Variants in ARHGEF28 observed in about 807,000 individuals in gnomAD.
The protein encoded by ARHGEF28 is 190 kDa guanine nucleotide exchange factor.
Under a neutral mutation model 206.6 loss-of-function variants are expected in ARHGEF28, and 152 were observed. That is an observed-to-expected ratio of 0.74 (90% CI 0.64 to 0.84). The LOEUF is 0.84. ARHGEF28 is among the 40% of genes least tolerant of loss of function. ARHGEF28 has a pLI of 0.00. For missense variants in ARHGEF28, 2,028 were observed against 2,073.2 expected (o/e 0.98, Z 0.42); for synonymous variants, 763 against 776.4 (o/e 0.98, Z 0.29).
At chr5:73,688,910 TCC>T (rs1747639964) in intron 2 of ARHGEF28, among the ~76,000 whole-genome samples, 1 of 152,242 alleles carries the variant, frequency 6.6e-6, no homozygotes, top group South Asian at 2.1e-4. Flanking sequence ...CACCTCGGCC[TCC>T]CAAAGTGCTG....
intron 35 of ARHGEF28, among the ~76,000 whole-genome samples, chr5:73,916,710 G>C (rs1374673400): frequency 6.6e-6 from 1 of 152,016 alleles, no homozygotes; most frequent in African/African-American, 2.4e-5. Flanking sequence ...TGTGAATTTT[G>C]GGGGGACACA....
chr5:73,794,708 A>G lies in ARHGEF28; in HGVS notation c.963+254A>G, dbSNP rs7712814. 0.6 allele frequency among the ~76,000 whole-genome samples: 90,001 copies of G among 150,642 alleles called. 28,007 individuals carry two copies. Among genetic ancestry groups the G allele is most frequent in the African/African-American group, 0.79 (32,431 of 41,010 alleles). On this transcript the variant is annotated intron_variant, in intron 8 of 35. Coordinates refer to ENST00000513042, the MANE Select transcript of ARHGEF28 (RefSeq NM_001177693.2). ...TGCAACTTCTGCCTCCTGGGTTCAA[A>G]TGATTCTCCTGCCTCACCCTCCTGA...
rs573055735 is a variant in ARHGEF28, at chr5:73,845,249, C to T, written c.1428-1019C>T. ...AGCCAGGATGGTCTCGATCTCTGAC[C>T]TCATGATCCGCCCACCTTGGCCTCC... is the stretch of plus-strand genomic sequence containing the variant. On this transcript the variant is annotated intron_variant, in intron 11 of 35. Coordinates refer to ENST00000513042, the MANE Select transcript of ARHGEF28 (RefSeq NM_001177693.2). Among the ~76,000 whole-genome samples the T allele has an allele frequency of 4.3e-3, 652 of 152,216 alleles. 4 individuals carry two copies. The highest frequency in any genetic ancestry group is 0.015 in the African/African-American group (639 of 41,508).
chr5:73,626,942 G>C (rs140336527), intron 1 of ARHGEF28, among the ~76,000 whole-genome samples: 1 of 152,208 alleles, frequency 6.6e-6, no homozygotes, highest in African/African-American at 2.4e-5. Flanking sequence ...GGTGTATGTG[G>C]TGGTGCCCCA....
intron 24 of ARHGEF28, among the ~76,000 whole-genome samples, chr5:73,885,400 G>A (rs1460987992): frequency 1.3e-5 from 2 of 152,004 alleles, no homozygotes; most frequent in Non-Finnish European, 2.9e-5. Context: ...ATTTAATCAT[G>A]CAAACCTTTC....
At chr5:73,927,919 C>T (rs998479965) in intron 35 of ARHGEF28, among the ~76,000 whole-genome samples, 11 of 152,096 alleles carry the variant, frequency 7.2e-5, no homozygotes, top group Non-Finnish European at 1.2e-4. Context: ...GAGTGACAAA[C>T]GCAAGGCTGT....
chr5:73,813,122 C>G (rs1025918331), intron 9 of ARHGEF28, among the ~76,000 whole-genome samples: 1 of 152,112 alleles, frequency 6.6e-6, no homozygotes, highest in Admixed American at 6.5e-5. Flanking sequence ...AACACGGCAC[C>G]GGGTAGCTCT....
chr5:73,784,731 GT>G (rs1282984603), intron 7 of ARHGEF28, among the ~76,000 whole-genome samples: 1 of 152,066 alleles, frequency 6.6e-6, no homozygotes, highest in East Asian at 1.9e-4. Flanking sequence ...TATATACTAT[GT>G]TTTTTTCTAT....
At chr5:73,821,350 A>G (rs980411383) in intron 9 of ARHGEF28, among the ~76,000 whole-genome samples, 2 of 152,116 alleles carry the variant, frequency 1.3e-5, no homozygotes, top group Non-Finnish European at 2.9e-5. Context: ...AGAATTCTCT[A>G]TTTTGCTAGC....
At chr5:73,926,545 ACT>A (rs1168410294) in intron 35 of ARHGEF28, among the ~76,000 whole-genome samples, 1 of 151,400 alleles carries the variant, frequency 6.6e-6, no homozygotes, top group Admixed American at 6.6e-5. Flanking sequence ...AAACTTGACA[ACT>A]CTCCCTACTT....
Position 73,893,300 on chromosome 5 carries a change from G to A in ARHGEF28, c.3658+12G>A. ...TCAGCAATGTCAAGGTACAGTGCAGGCACTTCTGGCTCCCTGGTCGTGGTG... is the reference window on the plus strand; with the variant it reads ...TCAGCAATGTCAAGGTACAGTGCAGACACTTCTGGCTCCCTGGTCGTGGTG... On this transcript the variant is annotated intron_variant, in intron 28 of 35. Transcript: ENST00000513042. 1 of 1,534,804 alleles carries A rather than the reference G, an allele frequency of 6.5e-7. No homozygotes were observed. Among genetic ancestry groups the A allele is most frequent in the Non-Finnish European group, 8.8e-7 (1 of 1,139,146 alleles).
At chr5:73,657,191 AAAAG>A (rs1745275324) in intron 1 of ARHGEF28, among the ~76,000 whole-genome samples, 1 of 151,492 alleles carries the variant, frequency 6.6e-6, no homozygotes, top group Non-Finnish European at 1.5e-5. Context: ...AAAAAAAAAA[AAAAG>A]AATGTTGGAC....
chr5:73,707,503 C>A (rs1297783692), intron 2 of ARHGEF28, among the ~76,000 whole-genome samples: 2 of 152,046 alleles, frequency 1.3e-5, no homozygotes, highest in Non-Finnish European at 2.9e-5. Context: ...AAAGAGCAGG[C>A]CTATAAATGG....
chr5:73,865,670 C>G (rs1208620790), intron 17 of ARHGEF28, among the ~76,000 whole-genome samples: 1 of 152,136 alleles, frequency 6.6e-6, no homozygotes, highest in Non-Finnish European at 1.5e-5. Context: ...AACTTTCAGC[C>G]TGGGTCTGGA....
intron 30 of ARHGEF28, chr5:73,899,420 A>G (rs2112702716): frequency 6.6e-6 from 1 of 152,104 alleles, no homozygotes; most frequent in South Asian, 2.1e-4. Context: ...CACATCTCTC[A>G]TGACTGGGGA....
intron 2 of ARHGEF28, among the ~76,000 whole-genome samples, chr5:73,741,427 A>ATG (rs1751423821): frequency 3.2e-5 from 1 of 31,200 alleles, no homozygotes; most frequent in South Asian, 8.8e-4. Flanking sequence ...ATATATATAT[A>ATG]TATATATATA....
intron 2 of ARHGEF28, among the ~76,000 whole-genome samples, chr5:73,720,103 T>C (rs1749845062): frequency 6.6e-6 from 1 of 152,242 alleles, no homozygotes; most frequent in Non-Finnish European, 1.5e-5. Flanking sequence ...AGTTAATGTA[T>C]ATTAAGGTGC....
intron 33 of ARHGEF28, among the ~76,000 whole-genome samples, chr5:73,905,633 C>T (rs1762509304): frequency 1.3e-5 from 2 of 152,154 alleles, no homozygotes. Context: ...CTGTCATCAA[C>T]TATTATTCTA....
At chr5:73,893,368 GT>G (rs1761768426) in intron 28 of ARHGEF28, 80 bp downstream of exon 28, 2 of 1,151,118 alleles carry the variant, frequency 1.7e-6, no homozygotes, top group South Asian at 2.2e-5. Context: ...TGAACAGGAG[GT>G]TATAACTACA....
Sources: gnomAD v4.1 joint callset for allele counts (sites outside exome capture counted in the v4.1 genomes callset) on GRCh38, gnomAD v4.1.1 for gene constraint, MANE v1.5 for transcripts, NCBI Gene and HGNC (gene_info 2026-07-23, HGNC 2026-07-21) for gene names.